SLC14A2: variants seen among roughly 807,000 people sequenced by gnomAD.
The protein encoded by SLC14A2 is urea transporter 2.
In SLC14A2, 91 loss-of-function variants were observed where a neutral mutation model predicts 104.6. The ratio of observed to expected loss-of-function variants is 0.87; its 90% confidence interval spans 0.73 to 1.04. The LOEUF (loss-of-function observed/expected upper bound fraction) is 1.04, where lower values mean the gene tolerates loss of function less well. SLC14A2 is among the 50% of genes least tolerant of loss of function. SLC14A2 has a pLI of 0.00. For synonymous variants in SLC14A2, 476 were observed against 466.4 expected, an observed-to-expected ratio of 1.02 and a Z score of -0.27; for missense variants, 1,189 against 1,156.0, an observed-to-expected ratio of 1.03 and a Z score of -0.41.
chr18:45,587,257 G>A (rs564312325), intron 2 of SLC14A2, among the ~76,000 whole-genome samples: 69 of 152,280 alleles, frequency 4.5e-4, no homozygotes, highest in South Asian at 4.1e-3. Context: ...TTACAGACAT[G>A]AGCCACATTC....
At chr18:45,674,101 C>A (rs2046188180) in intron 18 of SLC14A2, among the ~76,000 whole-genome samples, 1 of 152,164 alleles carries the variant, frequency 6.6e-6, no homozygotes, top group African/African-American at 2.4e-5. Context: ...ACGTCTTCTA[C>A]AGCGATTCAC....
intron 1 of SLC14A2, among the ~76,000 whole-genome samples, chr18:45,362,764 A>G (rs527693335): frequency 6.6e-6 from 1 of 152,350 alleles, no homozygotes; most frequent in East Asian, 1.9e-4. Context: ...CTCACACTGC[A>G]TAGCTGCTGC....
At chr18:45,671,267 C>G (rs778127687) in intron 16 of SLC14A2, among the ~76,000 whole-genome samples, 2 of 152,012 alleles carry the variant, frequency 1.3e-5, no homozygotes, top group Non-Finnish European at 2.9e-5. Flanking sequence ...TGAGACCCAC[C>G]ACCACCACCA....
chr18:45,220,535 T>C (rs1430482638), intron 1 of SLC14A2, among the ~76,000 whole-genome samples: 3 of 148,850 alleles, frequency 2.0e-5, no homozygotes, highest in African/African-American at 7.7e-5. Context: ...TGTCCCTAAA[T>C]GAGTCTACAG....
chr18:45,514,727 G>A (rs938117828), intron 2 of SLC14A2, among the ~76,000 whole-genome samples: 1 of 152,170 alleles, frequency 6.6e-6, no homozygotes, highest in South Asian at 2.1e-4. Flanking sequence ...TTCATGCTAT[G>A]AAGGATACAA....
intron 10 of SLC14A2, among the ~76,000 whole-genome samples, chr18:45,655,776 A>G (rs2045826002): frequency 6.6e-6 from 1 of 152,188 alleles, no homozygotes; most frequent in Admixed American, 6.5e-5. Context: ...ACAGGTGTTC[A>G]TTATTTTTTG....
chr18:45,259,239 G>T (rs1026384901), intron 1 of SLC14A2, among the ~76,000 whole-genome samples: 3 of 152,212 alleles, frequency 2.0e-5, no homozygotes, highest in African/African-American at 7.2e-5. Context: ...GGTTAGGACA[G>T]CAATAAAGTT....
intron 1 of SLC14A2, among the ~76,000 whole-genome samples, chr18:45,247,079 C>T (rs1382185180): frequency 6.6e-6 from 1 of 152,166 alleles, no homozygotes; most frequent in African/African-American, 2.4e-5. Context: ...ATTAACAGAA[C>T]ATCAAGTTTA....
intron 1 of SLC14A2, among the ~76,000 whole-genome samples, chr18:45,481,577 GGTA>G (rs1299253672): frequency 1.3e-5 from 2 of 152,016 alleles, no homozygotes; most frequent in African/African-American, 2.4e-5. Flanking sequence ...AAATGGTGGT[GGTA>G]TCTATGTATA....
At chr18:45,379,390 C>T (rs1401597534) in intron 1 of SLC14A2, among the ~76,000 whole-genome samples, 1 of 152,172 alleles carries the variant, frequency 6.6e-6, no homozygotes, top group Non-Finnish European at 1.5e-5. Context: ...TGTGTGTGGC[C>T]TTTCCCATGT....
At chr18:45,303,231 G>T (rs184358585) in intron 1 of SLC14A2, among the ~76,000 whole-genome samples, 4 of 152,276 alleles carry the variant, frequency 2.6e-5, no homozygotes, top group African/African-American at 9.6e-5. Context: ...GAAACAGCTG[G>T]CTTGGTTACC....
chr18:45,632,993 CCAA>C (rs1568306541), intron 5 of SLC14A2, among the ~76,000 whole-genome samples: 2 of 152,208 alleles, frequency 1.3e-5, no homozygotes, highest in African/African-American at 4.8e-5. Flanking sequence ...ATTCTTTAAA[CCAA>C]CAAAAGACAA....
intron 1 of SLC14A2, among the ~76,000 whole-genome samples, chr18:45,261,091 C>T (rs1385411705): frequency 2.0e-5 from 3 of 151,814 alleles, no homozygotes; most frequent in Non-Finnish European, 4.4e-5. Flanking sequence ...TATACGTGTG[C>T]CATGTTGGTG....
chr18:45,641,392 C>T (rs1464669231), intron 8 of SLC14A2, 49 bp downstream of exon 8: 1 of 1,607,128 alleles, frequency 6.2e-7, no homozygotes, highest in African/African-American at 1.3e-5. Flanking sequence ...CTATTCCTTC[C>T]CCCCTTGTTT....
At chr18:45,393,141 T>C (rs1277118868) in intron 1 of SLC14A2, among the ~76,000 whole-genome samples, 1 of 152,174 alleles carries the variant, frequency 6.6e-6, no homozygotes, top group Non-Finnish European at 1.5e-5. Context: ...GTTGTTACAG[T>C]AGTGAACAGA....
chr18:45,270,220 G>C (rs1236470102), intron 1 of SLC14A2, among the ~76,000 whole-genome samples: 1 of 152,128 alleles, frequency 6.6e-6, no homozygotes, highest in African/African-American at 2.4e-5. Flanking sequence ...AATGTACTCT[G>C]TGTGGGTTTC....
upstream of SLC14A2, among the ~76,000 whole-genome samples, chr18:45,211,659 C>G (rs1452168156): frequency 6.6e-6 from 1 of 152,130 alleles, no homozygotes; most frequent in Non-Finnish European, 1.5e-5. Context: ...ATTGTAATCA[C>G]TAGTGTTGAC....
intron 1 of SLC14A2, among the ~76,000 whole-genome samples, chr18:45,252,129 T>C (rs1340591229): frequency 6.6e-6 from 1 of 152,218 alleles, no homozygotes; most frequent in African/African-American, 2.4e-5. Context: ...AAGGGTGTGC[T>C]GAGTTTCATG....
chr18:45,678,972 T>TTTTTTC lies in SLC14A2; in HGVS notation c.2513-3_2513-2insTTTTTC. 6.4e-7 allele frequency: 1 copy of TTTTTTC among 1,571,950 alleles called. No individual in the cohort carries two copies. The highest frequency in any genetic ancestry group is 1.8e-5 in the Admixed American group (1 of 55,976). The stretch of plus-strand genomic sequence containing the variant: ...TTTCTTTCTTTTTTTTTTTTTTTTC[T>TTTTTTC]AGCACTGTTTGCTGCCTACCTGGGT... On this transcript the variant is annotated splice_region_variant and splice_polypyrimidine_tract_variant and intron_variant, in intron 18 of 19. Transcript: ENST00000255226.
Sources: allele counts gnomAD v4.1 joint callset (sites outside exome capture counted in the v4.1 genomes callset), GRCh38; gene constraint gnomAD v4.1.1; transcripts MANE v1.5; gene names NCBI Gene and HGNC (gene_info 2026-07-23, HGNC 2026-07-21).